RPS6KC1: variants seen among roughly 807,000 people sequenced by gnomAD.
The protein encoded by RPS6KC1 is ribosomal protein S6 kinase C1.
Under a neutral mutation model 103.8 loss-of-function variants are expected in RPS6KC1, and 54 were observed. That is an observed-to-expected ratio of 0.52 (90% CI 0.42 to 0.65). The LOEUF is 0.65. RPS6KC1 is among the 30% of genes least tolerant of loss of function. RPS6KC1 has a pLI of 0.00. For synonymous variants in RPS6KC1, 439 were observed against 438.7 expected (o/e 1.00, Z -0.01); for missense variants, 1,151 against 1,253.8 (o/e 0.92, Z 1.24).
rs571634514 is a variant in RPS6KC1, at chr1:213,228,525, G to T, written c.1045-1972G>T. 6.0e-5 allele frequency among the ~76,000 whole-genome samples: 9 copies of T among 151,166 alleles called. No homozygotes were observed. The South Asian group carries it at 1.7e-3, about 28-fold the overall frequency. On this transcript the variant is annotated intron_variant, in intron 8 of 14. Coordinates refer to ENST00000366960, the MANE Select transcript of RPS6KC1 (RefSeq NM_012424.6). ...TGCTTGAGCGATCGCAGGAGTTCAA[G>T]ATCAGCCTAGGCAATATGGTGAGAC...
intron 1 of RPS6KC1, among the ~76,000 whole-genome samples, chr1:213,058,228 ACT>A (rs933309090): frequency 2.6e-5 from 4 of 151,818 alleles, no homozygotes; most frequent in Non-Finnish European, 4.4e-5. Context: ...CAGGTATGCC[ACT>A]GCACCCAGAC....
the RPS6KC1 span, among the ~76,000 whole-genome samples, chr1:213,561,193 A>G: frequency 1.3e-5 from 2 of 152,154 alleles, no homozygotes; most frequent in Non-Finnish European, 2.9e-5. Flanking sequence ...TATCCTCATG[A>G]CTGCCCCCTT....
chr1:213,507,062 G>T, the RPS6KC1 span, among the ~76,000 whole-genome samples: 1 of 152,160 alleles, frequency 6.6e-6, no homozygotes, highest in African/African-American at 2.4e-5. Context: ...TCTGTAAGAT[G>T]TATCTCCCCT....
chr1:213,828,443 AG>A, the RPS6KC1 span, among the ~76,000 whole-genome samples: 1 of 152,224 alleles, frequency 6.6e-6, no homozygotes, highest in Non-Finnish European at 1.5e-5. Context: ...GAATACAGCA[AG>A]GGGGCCGGAA....
At chr1:213,537,936 A>G in the RPS6KC1 span, among the ~76,000 whole-genome samples, 2 of 152,180 alleles carry the variant, frequency 1.3e-5, no homozygotes, top group African/African-American at 4.8e-5. Flanking sequence ...ATTAGGTATG[A>G]AGAATAATAA....
At chr1:213,828,617 G>A in the RPS6KC1 span, among the ~76,000 whole-genome samples, 2 of 152,236 alleles carry the variant, frequency 1.3e-5, no homozygotes, top group African/African-American at 2.4e-5. Context: ...TCCTGGCTAC[G>A]TGGCATTGGA....
the RPS6KC1 span, among the ~76,000 whole-genome samples, chr1:213,315,605 G>C: frequency 6.6e-6 from 1 of 152,156 alleles, no homozygotes; most frequent in Non-Finnish European, 1.5e-5. Flanking sequence ...TTTAATATTT[G>C]ATATCAGCAC....
the RPS6KC1 span, among the ~76,000 whole-genome samples, chr1:213,750,398 A>T: frequency 0.34 from 52,002 of 152,168 alleles, 11,534 homozygotes; most frequent in African/African-American, 0.64. Context: ...CTTTCTTGAT[A>T]GACATCTTTA....
intron 1 of RPS6KC1, among the ~76,000 whole-genome samples, chr1:213,053,292 T>A (rs1470354739): frequency 6.6e-6 from 1 of 152,258 alleles, no homozygotes; most frequent in Non-Finnish European, 1.5e-5. Flanking sequence ...TAGTTGCATG[T>A]CTGTGTCTCT....
chr1:213,333,559 C>T, the RPS6KC1 span, among the ~76,000 whole-genome samples: 5 of 152,156 alleles, frequency 3.3e-5, no homozygotes, highest in African/African-American at 1.2e-4. Flanking sequence ...ATGGTGTAGC[C>T]AGGGGACTGT....
At chr1:213,671,616 T>C in the RPS6KC1 span, among the ~76,000 whole-genome samples, 1 of 152,142 alleles carries the variant, frequency 6.6e-6, no homozygotes, top group African/African-American at 2.4e-5. Flanking sequence ...AAATGCCATC[T>C]CTACTAAAAA....
the RPS6KC1 span, among the ~76,000 whole-genome samples, chr1:213,580,785 G>A: frequency 1.1e-4 from 16 of 151,878 alleles, 1 homozygote; most frequent in Admixed American, 2.0e-4. Context: ...ATGAAGTATT[G>A]TTTAATTAAG....
the RPS6KC1 span, among the ~76,000 whole-genome samples, chr1:213,640,786 G>A: frequency 1.3e-5 from 2 of 151,600 alleles, no homozygotes; most frequent in South Asian, 2.1e-4. Flanking sequence ...ACATGTTAAT[G>A]TTTATTATAT....
chr1:213,673,782 T>C, the RPS6KC1 span, among the ~76,000 whole-genome samples: 2 of 152,238 alleles, frequency 1.3e-5, no homozygotes, highest in Non-Finnish European at 2.9e-5. Flanking sequence ...GTTTTTTTCC[T>C]TTCTTCAATC....
intron 8 of RPS6KC1, among the ~76,000 whole-genome samples, chr1:213,186,378 GT>G (rs769615583): frequency 1.3e-5 from 2 of 151,778 alleles, no homozygotes. Context: ...TTTATTTTTG[GT>G]TTGTTTTTTA....
chr1:213,680,547 G>A, the RPS6KC1 span, among the ~76,000 whole-genome samples: 1 of 152,168 alleles, frequency 6.6e-6, no homozygotes, highest in Non-Finnish European at 1.5e-5. Flanking sequence ...CTGACCAGGG[G>A]ACAGCTCACT....
At chr1:213,513,661 CT>C in the RPS6KC1 span, among the ~76,000 whole-genome samples, 2 of 152,206 alleles carry the variant, frequency 1.3e-5, no homozygotes, top group African/African-American at 2.4e-5. Context: ...AAACCCCAAA[CT>C]TACCATTTGA....
the RPS6KC1 span, among the ~76,000 whole-genome samples, chr1:213,280,031 G>A: frequency 2.0e-5 from 3 of 152,062 alleles, no homozygotes; most frequent in African/African-American, 7.2e-5. Flanking sequence ...CCTGATCATG[G>A]GCATCCTACC....
At chr1:213,053,136 T>C (rs1381158562) in intron 1 of RPS6KC1, among the ~76,000 whole-genome samples, 1 of 152,156 alleles carries the variant, frequency 6.6e-6, no homozygotes, top group South Asian at 2.1e-4. Flanking sequence ...TTGAAACCTT[T>C]CTAGTCATTG....
Sources: allele counts gnomAD v4.1 joint callset (sites outside exome capture counted in the v4.1 genomes callset), GRCh38; gene constraint gnomAD v4.1.1; transcripts MANE v1.5; gene names NCBI Gene and HGNC (gene_info 2026-07-23, HGNC 2026-07-21).